Variants in BARD1 observed in about 807,000 individuals in gnomAD.
The protein encoded by BARD1 is BRCA1-associated RING domain protein 1.
Under a neutral mutation model 77.0 loss-of-function variants are expected in BARD1, and 73 were observed. The ratio of observed to expected loss-of-function variants is 0.95; its 90% CI spans 0.79 to 1.15. BARD1 has a LOEUF of 1.15. BARD1 is among the 50% of genes most tolerant of loss of function. The pLI is 0.00. For missense variants in BARD1, 993 were observed against 938.8 expected, an observed-to-expected ratio of 1.06 and a Z score of -0.75; for synonymous variants, 384 against 338.0, an observed-to-expected ratio of 1.14 and a Z score of -1.49.
rs191149762 is a variant in BARD1, at chr2:214,766,879, A to G, written c.1568+603T>C. ...TTGTGAAGGTTTGTTATATAGGTAA[A>G]CTTGTGTAACGGGGGTGTGTTGTAC... On this transcript the variant is annotated intron_variant, in intron 6 of 10. Transcript: ENST00000260947. Among the ~76,000 whole-genome samples the G allele has an allele frequency of 1.6e-4, 24 of 152,044 alleles. No individual in the cohort carries two copies. In the East Asian group the frequency reaches 2.1e-3, roughly 13 times the overall value.
rs2105991162 is a variant in BARD1 at position 214,730,614 on chromosome 2, GTTT to G, written c.1904-109_1904-107del. ...TAAGTGGTTTTTCTTCTTCATGGCA[GTTT>G]TTAAGTATTATTCTAAAATGCAAAC... On this transcript the variant is annotated intron_variant, in intron 9 of 10. Transcript: ENST00000260947. 42 of 866,018 alleles carry G rather than the reference GTTT, an allele frequency of 4.8e-5. 1 individual carries two copies. The highest frequency in any genetic ancestry group is 4.7e-4 in the South Asian group (33 of 70,122). The allele number at this position is 866,018 out of a possible 1,614,324, so 53.6% of individuals were successfully genotyped here. A position where few individuals can be genotyped will look rare whatever the true frequency, so the allele number is the denominator to read the frequency against.
intron 1 of BARD1, among the ~76,000 whole-genome samples, chr2:214,806,875 G>GAAAA (rs140107019): frequency 0.012 from 1,274 of 105,908 alleles, 44 homozygotes; most frequent in African/African-American, 0.036. Flanking sequence ...CTTTGCCTAG[G>GAAAA]GAAAAAAAAA....
intron 4 of BARD1, among the ~76,000 whole-genome samples, chr2:214,779,158 G>A (rs182665385): frequency 9.1e-4 from 139 of 152,212 alleles, no homozygotes; most frequent in East Asian, 8.1e-3. Context: ...TGGTCATGTT[G>A]TAAGGTCCCT....
chr2:214,804,392 C>T (rs1696171367), intron 1 of BARD1, among the ~76,000 whole-genome samples: 1 of 152,160 alleles, frequency 6.6e-6, no homozygotes, highest in Non-Finnish European at 1.5e-5. Context: ...GGCATTGTGG[C>T]TACAAACGTG....
chr2:214,779,496 G>T (rs75411785), intron 4 of BARD1, among the ~76,000 whole-genome samples: 7,983 of 152,234 alleles, frequency 0.052, 232 homozygotes, highest in Admixed American at 0.083. Context: ...ACACAGAGCT[G>T]ACTGTATTCC....
At chr2:214,751,309 C>A (rs936527445) in intron 7 of BARD1, among the ~76,000 whole-genome samples, 6 of 149,864 alleles carry the variant, frequency 4.0e-5, no homozygotes, top group African/African-American at 1.5e-4. Flanking sequence ...AGACGCATAC[C>A]GCCACACTCA....
At chr2:214,806,029 T>C (rs1202619296) in intron 1 of BARD1, among the ~76,000 whole-genome samples, 2 of 152,236 alleles carry the variant, frequency 1.3e-5, no homozygotes, top group Non-Finnish European at 1.5e-5. Flanking sequence ...TCAAATAATA[T>C]GGTCTTCCTG....
intron 4 of BARD1, 106 bp from the exon 5 acceptor site, chr2:214,769,418 GTT>G: frequency 2.2e-6 from 2 of 913,956 alleles, no homozygotes; most frequent in Non-Finnish European, 3.5e-6. Context: ...AACTTAAATC[GTT>G]TTCTCTTAAG....
intron 9 of BARD1, 136 bp downstream of exon 9, chr2:214,744,931 A>G: frequency 1.2e-6 from 1 of 835,842 alleles, no homozygotes; most frequent in Non-Finnish European, 2.0e-6. Context: ...ACGCCCAGCC[A>G]GAAGCTTTTC....
At chr2:214,740,340 T>C (rs957127181) in intron 9 of BARD1, among the ~76,000 whole-genome samples, 4 of 152,158 alleles carry the variant, frequency 2.6e-5, no homozygotes, top group South Asian at 2.1e-4. Context: ...CCCTATCCAA[T>C]TAATCGTTAG....
chr2:214,762,887 C>T (rs1184805673), intron 6 of BARD1, among the ~76,000 whole-genome samples: 3 of 127,048 alleles, frequency 2.4e-5, no homozygotes, highest in African/African-American at 8.9e-5. Flanking sequence ...CCACCCCACC[C>T]CCCTCCCACC....
At chr2:214,764,862 AG>A (rs1236908407) in intron 6 of BARD1, among the ~76,000 whole-genome samples, 17 of 152,300 alleles carry the variant, frequency 1.1e-4, no homozygotes, top group African/African-American at 3.8e-4. Flanking sequence ...CAAAAAACAC[AG>A]GAAAAAAGTA....
Position 214,809,392 on chromosome 2 carries a change from C to A in BARD1, c.158+20G>T, listed in dbSNP as rs1057520824. On this transcript the variant is annotated intron_variant, in intron 1 of 10. Coordinates refer to ENST00000260947, the MANE Select transcript of BARD1 (RefSeq NM_000465.4). The stretch of plus-strand genomic sequence containing the variant: ...GCGACCCGTGCCCTCGCAGCCACCC[C>A]CAAGAAGCTCCGTCTTTACCAACGC... The A allele has an allele frequency of 6.2e-7, 1 of 1,612,186 alleles. No individual in the cohort carries two copies. The highest frequency in any genetic ancestry group is 8.5e-7 in the Non-Finnish European group (1 of 1,179,738).
In BARD1 at chr2:214,754,496, T is replaced by C. The variant is rs988517985; in HGVS notation, c.1569-1941A>G. ...CTGAATCACATTAGCATAGTTATTT[T>C]ACACATATTTGAAAAAAAGTGCATG... is the stretch of plus-strand genomic sequence containing the variant. On this transcript the variant is annotated intron_variant, in intron 6 of 10. Transcript: ENST00000260947. Among the ~76,000 whole-genome samples the C allele has an allele frequency of 3.9e-5, 6 of 152,102 alleles. No individual in the cohort carries two copies. In the East Asian group the frequency reaches 9.6e-4, roughly 24 times the overall value.
chr2:214,734,752 G>A (rs1692498347), intron 9 of BARD1, among the ~76,000 whole-genome samples: 1 of 152,030 alleles, frequency 6.6e-6, no homozygotes, highest in African/African-American at 2.4e-5. Flanking sequence ...ATTCTATTCT[G>A]TTTTCTTTTT....
chr2:214,762,433 A>G (rs1027875600), intron 6 of BARD1, among the ~76,000 whole-genome samples: 1 of 152,204 alleles, frequency 6.6e-6, no homozygotes, highest in African/African-American at 2.4e-5. Flanking sequence ...ACCTACATAC[A>G]TATATATGAA....
chr2:214,794,990 C>T (rs1013981435), intron 2 of BARD1, among the ~76,000 whole-genome samples: 24 of 152,218 alleles, frequency 1.6e-4, no homozygotes, highest in African/African-American at 5.1e-4. Flanking sequence ...TCTGATTAAA[C>T]GTATGGATCC....
chr2:214,767,970 A>G (rs907893808), intron 5 of BARD1, among the ~76,000 whole-genome samples: 1 of 106,740 alleles, frequency 9.4e-6, no homozygotes, highest in South Asian at 3.0e-4. Context: ...AATAAATGTA[A>G]CACATTAAGA....
chr2:214,744,259 A>G (rs1325756486), intron 9 of BARD1, among the ~76,000 whole-genome samples: 1 of 152,154 alleles, frequency 6.6e-6, no homozygotes, highest in Non-Finnish European at 1.5e-5. Flanking sequence ...TTTTCAGTGG[A>G]GGTTGAGATA....
Sources: gnomAD v4.1 joint callset for allele counts (sites outside exome capture counted in the v4.1 genomes callset) on GRCh38, gnomAD v4.1.1 for gene constraint, MANE v1.5 for transcripts, NCBI Gene and HGNC (gene_info 2026-07-23, HGNC 2026-07-21) for gene names.